The following CNTNAP2 variants were observed in gnomAD, a reference collection of about 807,000 sequenced individuals.
CNTNAP2 encodes the protein contactin associated protein 2.
Under a neutral mutation model 155.2 loss-of-function variants are expected in CNTNAP2, and 98 were observed. That is an observed-to-expected ratio of 0.63 (90% CI 0.54 to 0.75). The LOEUF is 0.75. Ranked by LOEUF, CNTNAP2 falls within the 30% of genes least tolerant of loss-of-function variation. CNTNAP2 has a pLI of 0.00. For synonymous variants in CNTNAP2, 651 were observed against 631.2 expected (o/e 1.03, Z -0.47); for missense variants, 1,727 against 1,688.1 (o/e 1.02, Z -0.40).
intron 13 of CNTNAP2, among the ~76,000 whole-genome samples, chr7:147,820,193 A>C (rs1277563865): frequency 6.6e-6 from 1 of 152,096 alleles, no homozygotes; most frequent in Non-Finnish European, 1.5e-5. Context: ...AATTTGGTCC[A>C]TTCCAGTGGG....
At chr7:146,705,638 T>A (rs1452443822) in intron 1 of CNTNAP2, among the ~76,000 whole-genome samples, 2 of 152,012 alleles carry the variant, frequency 1.3e-5, no homozygotes, top group Non-Finnish European at 2.9e-5. Flanking sequence ...CTGGGAGACC[T>A]CACAATCATG....
At chr7:147,642,269 T>G (rs913124513) in intron 13 of CNTNAP2, among the ~76,000 whole-genome samples, 1 of 152,130 alleles carries the variant, frequency 6.6e-6, no homozygotes, top group African/African-American at 2.4e-5. Context: ...CAGCTTTATG[T>G]TCTTTATTTT....
chr7:146,201,674 G>A (rs1798865164), intron 1 of CNTNAP2, among the ~76,000 whole-genome samples: 1 of 146,390 alleles, frequency 6.8e-6, no homozygotes, highest in South Asian at 2.2e-4. Context: ...GTGTGTGTGT[G>A]TGAATCAGAA....
At chr7:148,381,778 T>G (rs993444128) in intron 21 of CNTNAP2, among the ~76,000 whole-genome samples, 1 of 152,190 alleles carries the variant, frequency 6.6e-6, no homozygotes, top group Admixed American at 6.5e-5. Context: ...CTGCCACCTT[T>G]CTCTACCATT....
At chr7:147,253,398 T>TC (rs1156963784) in intron 8 of CNTNAP2, among the ~76,000 whole-genome samples, 1 of 151,864 alleles carries the variant, frequency 6.6e-6, no homozygotes, top group Non-Finnish European at 1.5e-5. Flanking sequence ...TTTTTTTTTT[T>TC]TTTTTAGAAA....
chr7:147,446,155 C>T (rs1455638156), intron 10 of CNTNAP2, among the ~76,000 whole-genome samples: 1 of 146,246 alleles, frequency 6.8e-6, no homozygotes, highest in Non-Finnish European at 1.5e-5. Flanking sequence ...CTGTGAGTCT[C>T]TGTATGTCTC....
intron 15 of CNTNAP2, among the ~76,000 whole-genome samples, chr7:148,015,542 C>A (rs1490007285): frequency 6.6e-6 from 1 of 152,136 alleles, no homozygotes; most frequent in Non-Finnish European, 1.5e-5. Flanking sequence ...TGATCACAGC[C>A]CAGATGTACA....
chr7:148,412,497 C>CTAAG (rs1263570666), intron 23 of CNTNAP2, among the ~76,000 whole-genome samples: 6 of 152,198 alleles, frequency 3.9e-5, no homozygotes, highest in African/African-American at 1.2e-4. Context: ...ATTTCATTTT[C>CTAAG]TAAGTGTCTC....
chr7:147,319,862 G>A (rs1026405466), intron 9 of CNTNAP2, among the ~76,000 whole-genome samples: 5 of 152,120 alleles, frequency 3.3e-5, no homozygotes, highest in South Asian at 2.1e-4. Context: ...GTGGTTTCAC[G>A]AAGTATGAAT....
chr7:147,082,290 A>G (rs1454915551), intron 4 of CNTNAP2, among the ~76,000 whole-genome samples: 2 of 152,174 alleles, frequency 1.3e-5, no homozygotes, highest in Non-Finnish European at 2.9e-5. Context: ...TTTTCTTTAC[A>G]TTTGCTTAGG....
chr7:146,846,726 T>C (rs962476928), intron 3 of CNTNAP2, among the ~76,000 whole-genome samples: 4 of 152,136 alleles, frequency 2.6e-5, no homozygotes, highest in African/African-American at 9.7e-5. Context: ...AATATTTTTC[T>C]AAAATTTGGA....
At chr7:146,778,962 C>A (rs545997340) in intron 2 of CNTNAP2, among the ~76,000 whole-genome samples, 4 of 152,320 alleles carry the variant, frequency 2.6e-5, no homozygotes, top group African/African-American at 9.6e-5. Flanking sequence ...TACCTGACAT[C>A]GTTTTGGGAA....
intron 1 of CNTNAP2, among the ~76,000 whole-genome samples, chr7:146,511,692 G>A (rs1056097424): frequency 1.3e-5 from 2 of 152,078 alleles, no homozygotes; most frequent in Non-Finnish European, 2.9e-5. Flanking sequence ...GTATTTTGTT[G>A]AGAATTTTGC....
intron 19 of CNTNAP2, among the ~76,000 whole-genome samples, chr7:148,228,700 C>A (rs759891311): frequency 4.0e-5 from 5 of 125,362 alleles, no homozygotes; most frequent in Admixed American, 3.7e-4. Context: ...TGGTAGCGTG[C>A]GCCTGTAGTC....
chr7:148,373,955 G>C (rs1202077071), intron 21 of CNTNAP2, among the ~76,000 whole-genome samples: 1 of 152,176 alleles, frequency 6.6e-6, no homozygotes, highest in East Asian at 1.9e-4. Context: ...ATTAGGCTCT[G>C]TTTTCTGAAC....
At position 147,439,922 on chromosome 7, in the gene CNTNAP2, C is replaced by T. The variant is rs192337483; in HGVS notation, c.1670+44142C>T. 1.4e-3 allele frequency among the ~76,000 whole-genome samples: 206 copies of T among 152,000 alleles called. 1 individual carries two copies. The highest frequency in any genetic ancestry group is 2.3e-3 in the Non-Finnish European group (155 of 67,880). On this transcript the variant is annotated intron_variant, in intron 10 of 23. Transcript: ENST00000361727. The stretch of plus-strand genomic sequence containing the variant: ...CTACTTTTGTTTTGGTTTCCAGTGG[C>T]GTGGAATATCTTTTTCCATCCCTTC...
At position 147,795,955 on chromosome 7, in the gene CNTNAP2, TCTTATCTACAACTGATTTTGA is replaced by T. The variant is rs113718850; in HGVS notation, c.2099-107609_2099-107589del. 2.9e-3 allele frequency among the ~76,000 whole-genome samples: 438 copies of T among 152,236 alleles called. 4 individuals carry two copies. The highest frequency in any genetic ancestry group is 1.0e-2 in the African/African-American group (415 of 41,542). On this transcript the variant is annotated intron_variant, in intron 13 of 23. Coordinates refer to ENST00000361727, the MANE Select transcript of CNTNAP2 (RefSeq NM_014141.6). ...GCATTTTGCTTCTTGCAATAGGCAA[TCTTATCTACAACTGATTTTGA>T]AGCATAGGATTTAACTAGATCCACA... is the stretch of plus-strand genomic sequence containing the variant.
At chr7:146,925,778 T>C (rs1430631269) in intron 3 of CNTNAP2, among the ~76,000 whole-genome samples, 3 of 152,152 alleles carry the variant, frequency 2.0e-5, no homozygotes, top group South Asian at 2.1e-4. Flanking sequence ...ACTTGAGATA[T>C]AATTCATAAT....
At chr7:146,354,354 T>C (rs1794965604) in intron 1 of CNTNAP2, among the ~76,000 whole-genome samples, 1 of 152,056 alleles carries the variant, frequency 6.6e-6, no homozygotes, top group Admixed American at 6.6e-5. Context: ...GTAGACACAG[T>C]CTAATTATTA....
Sources: allele counts gnomAD v4.1 joint callset (sites outside exome capture counted in the v4.1 genomes callset), GRCh38; gene constraint gnomAD v4.1.1; transcripts MANE v1.5; gene names NCBI Gene and HGNC (gene_info 2026-07-23, HGNC 2026-07-21).